Variants in MALRD1 observed in about 807,000 individuals in gnomAD.
MALRD1 encodes the protein MAM and LDL receptor class A domain containing 1.
In MALRD1, 247 loss-of-function variants were observed where a neutral mutation model predicts 242.1. The observed-to-expected ratio is 1.02, with a 90% CI of 0.92 to 1.13. The LOEUF (loss-of-function observed/expected upper bound fraction) is 1.13, where lower values mean the gene tolerates loss of function less well. MALRD1 is among the 50% of genes most tolerant of loss of function. MALRD1 has a pLI of 0.00. For missense variants in MALRD1, 2,989 were observed against 2,533.1 expected, an observed-to-expected ratio of 1.18 and a Z score of -3.86; for synonymous variants, 995 against 866.6, an observed-to-expected ratio of 1.15 and a Z score of -2.60.
chr10:19,278,422 C>T (rs562165125), intron 19 of MALRD1, among the ~76,000 whole-genome samples: 1 of 151,966 alleles, frequency 6.6e-6, no homozygotes, highest in Non-Finnish European at 1.5e-5. Context: ...TTCATTCATC[C>T]ACTCTGGTAT....
At chr10:19,360,528 C>T (rs2130702953) in intron 26 of MALRD1, among the ~76,000 whole-genome samples, 2 of 152,162 alleles carry the variant, frequency 1.3e-5, no homozygotes, top group South Asian at 2.1e-4. Context: ...TCCCAAATTC[C>T]TCTATTGCTG....
At chr10:19,063,280 C>T (rs147242171) in intron 1 of MALRD1, among the ~76,000 whole-genome samples, 13 of 152,198 alleles carry the variant, frequency 8.5e-5, no homozygotes, top group East Asian at 7.7e-4. Flanking sequence ...TTAATATTGA[C>T]CCAGGGAAAA....
intron 11 of MALRD1, among the ~76,000 whole-genome samples, chr10:19,153,857 A>C (rs1834031997): frequency 6.9e-6 from 1 of 145,464 alleles, no homozygotes; most frequent in African/African-American, 2.5e-5. Context: ...ACATGTTCTC[A>C]CCTTCGTTAA....
chr10:19,171,391 C>T lies in MALRD1; in HGVS notation c.1831-3817C>T, dbSNP rs1421558156. Reference sequence around the variant, plus strand: ...TACCAATTGATGCTGACTGTAGTTCCGAAAGGGAATTGGTCACAACATTTT... The same window carrying T: ...TACCAATTGATGCTGACTGTAGTTCTGAAAGGGAATTGGTCACAACATTTT... On this transcript the variant is annotated intron_variant, in intron 13 of 39. Transcript: ENST00000454679. 4.2e-5 allele frequency among the ~76,000 whole-genome samples: 6 copies of T among 141,836 alleles called. No individual in the cohort carries two copies. In the South Asian group the frequency reaches 6.8e-4, roughly 16 times the overall value. 93.0% of individuals were successfully genotyped at this position (141,836 alleles called of 152,430 possible). A position where few individuals can be genotyped will look rare whatever the true frequency, so the allele number is the denominator to read the frequency against.
At chr10:19,728,571 A>T (rs1263021256) in intron 38 of MALRD1, 1 of 152,034 alleles carries the variant, frequency 6.6e-6, no homozygotes, top group Non-Finnish European at 1.5e-5. Context: ...TCAGGCTTTG[A>T]CCATCTGTCC....
At chr10:19,364,653 G>A (rs779305970) in intron 26 of MALRD1, among the ~76,000 whole-genome samples, 24 of 152,086 alleles carry the variant, frequency 1.6e-4, no homozygotes, top group Non-Finnish European at 2.6e-4. Flanking sequence ...ATAGTTGAGT[G>A]TAAGTGAAAC....
intron 26 of MALRD1, among the ~76,000 whole-genome samples, chr10:19,370,818 C>T (rs1845338774): frequency 6.6e-6 from 1 of 152,186 alleles, no homozygotes; most frequent in South Asian, 2.1e-4. Context: ...CTCAAGTAAT[C>T]TGCCTGCCTT....
chr10:19,714,658 C>T (rs1309235531), intron 38 of MALRD1, among the ~76,000 whole-genome samples: 1 of 152,164 alleles, frequency 6.6e-6, no homozygotes, highest in Non-Finnish European at 1.5e-5. Flanking sequence ...CTCCCCGTAT[C>T]AATGTGACAC....
chr10:19,696,096 T>C (rs1180065523), intron 38 of MALRD1, among the ~76,000 whole-genome samples: 1 of 152,164 alleles, frequency 6.6e-6, no homozygotes, highest in Non-Finnish European at 1.5e-5. Context: ...AAGCATCCCA[T>C]GTACTGAGCA....
At chr10:19,627,836 C>T (rs924472678) in intron 36 of MALRD1, among the ~76,000 whole-genome samples, 10 of 143,030 alleles carry the variant, frequency 7.0e-5, no homozygotes, top group Admixed American at 2.1e-4. Context: ...ATACAGGATA[C>T]ACAACAGCTA....
At chr10:19,306,372 A>G (rs2496094) in intron 21 of MALRD1, among the ~76,000 whole-genome samples, 10 of 130,030 alleles carry the variant, frequency 7.7e-5, no homozygotes, top group African/African-American at 8.8e-5. Context: ...TGTCGTATAT[A>G]TACCGTGTAT....
At chr10:19,447,333 A>T (rs1443147271) in intron 28 of MALRD1, among the ~76,000 whole-genome samples, 1 of 152,138 alleles carries the variant, frequency 6.6e-6, no homozygotes, top group Non-Finnish European at 1.5e-5. Context: ...TATTTTTGTT[A>T]GTTATAGGGA....
At chr10:19,590,375 CATATTTTATATATGTAT>C (rs976916189) in intron 33 of MALRD1, among the ~76,000 whole-genome samples, 1 of 146,284 alleles carries the variant, frequency 6.8e-6, no homozygotes, top group African/African-American at 2.5e-5. Context: ...TGTCTATATA[CATATTTTATATATGTAT>C]ATATTTTATA....
At chr10:19,171,773 A>G (rs1834978340) in intron 13 of MALRD1, among the ~76,000 whole-genome samples, 1 of 143,994 alleles carries the variant, frequency 6.9e-6, no homozygotes, top group Admixed American at 7.1e-5. Flanking sequence ...ACATATATTG[A>G]TATATATATC....
intron 18 of MALRD1, among the ~76,000 whole-genome samples, chr10:19,217,661 TA>T (rs1261918688): frequency 2.0e-5 from 3 of 151,566 alleles, no homozygotes; most frequent in African/African-American, 7.3e-5. Flanking sequence ...GCCTCCCAAG[TA>T]ACTACAGGCG....
chr10:19,557,800 T>C (rs1412033294), intron 32 of MALRD1, among the ~76,000 whole-genome samples: 1 of 152,158 alleles, frequency 6.6e-6, no homozygotes. Context: ...CCTCTCAGTA[T>C]CCTCAAAATA....
At chr10:19,304,337 ATCTCTCTC>A (rs1158520774) in intron 21 of MALRD1, among the ~76,000 whole-genome samples, 1 of 149,450 alleles carries the variant, frequency 6.7e-6, no homozygotes, top group Non-Finnish European at 1.5e-5. Flanking sequence ...TCTATCCCTC[ATCTCTCTC>A]TCTCTCTCTG....
At chr10:19,472,820 T>C (rs10740904) in intron 29 of MALRD1, among the ~76,000 whole-genome samples, 130,504 of 151,390 alleles carry the variant, frequency 0.86, 56,418 homozygotes, top group East Asian at 1. Flanking sequence ...TTTTTTATGT[T>C]TTTTCAAAAA....
In MALRD1 at chr10:19,546,324, C is replaced by T. The variant is rs550048486; in HGVS notation, c.5478+14973C>T. ...CTGTTTTCTAGTGTGTTTATGTTTA[C>T]GATGTATTGTTAGCTTGTTTATGTG... is the stretch of plus-strand genomic sequence containing the variant. On this transcript the variant is annotated intron_variant, in intron 32 of 39. Transcript: ENST00000454679. 3.9e-5 allele frequency among the ~76,000 whole-genome samples: 6 copies of T among 152,166 alleles called. No homozygotes were observed. The East Asian group carries it at 7.7e-4, about 20-fold the overall frequency.
Sources: gnomAD v4.1 joint callset for allele counts (sites outside exome capture counted in the v4.1 genomes callset) on GRCh38, gnomAD v4.1.1 for gene constraint, MANE v1.5 for transcripts, NCBI Gene and HGNC (gene_info 2026-07-23, HGNC 2026-07-21) for gene names.